The following PTPN9 variants were observed in gnomAD, a reference collection of about 807,000 sequenced individuals.
PTPN9 encodes the protein tyrosine-protein phosphatase non-receptor type 9.
A neutral mutation model predicts 69.8 loss-of-function variants in PTPN9; 26 were observed. That is an observed-to-expected ratio of 0.37 (90% CI 0.27 to 0.52). The LOEUF is 0.52. Ranked by LOEUF, PTPN9 falls within the 20% of genes least tolerant of loss-of-function variation. The pLI is 0.91. For missense variants in PTPN9, 549 were observed against 740.3 expected (o/e 0.74, Z 3.00); for synonymous variants, 274 against 272.5 (o/e 1.01, Z -0.05).
At chr15:75,493,817 G>C (rs2074724529) in intron 7 of PTPN9, among the ~76,000 whole-genome samples, 1 of 151,872 alleles carries the variant, frequency 6.6e-6, no homozygotes, top group Non-Finnish European at 1.5e-5. Flanking sequence ...AGAAAGTTAA[G>C]AGAATCATTC....
chr15:75,506,334 CTT>C (rs35383952), intron 6 of PTPN9, among the ~76,000 whole-genome samples: 1 of 152,048 alleles, frequency 6.6e-6, no homozygotes. Flanking sequence ...TGCTGGTACT[CTT>C]TTTTTGGCCA....
intron 7 of PTPN9, among the ~76,000 whole-genome samples, chr15:75,498,899 A>G (rs1244418051): frequency 2.0e-5 from 3 of 152,158 alleles, no homozygotes; most frequent in African/African-American, 7.2e-5. Context: ...AACTAAATAC[A>G]CAAAAATGAA....
chr15:75,567,584 AAC>A (rs1460488754), intron 1 of PTPN9, among the ~76,000 whole-genome samples: 1 of 152,164 alleles, frequency 6.6e-6, no homozygotes, highest in African/African-American at 2.4e-5. Flanking sequence ...TAATTCAATA[AAC>A]TTACCTGTGC....
At chr15:75,482,702 T>C (rs1165753439) in intron 8 of PTPN9, among the ~76,000 whole-genome samples, 1 of 151,708 alleles carries the variant, frequency 6.6e-6, no homozygotes, top group East Asian at 1.9e-4. Flanking sequence ...GTTTATCTGC[T>C]GACCTTCCCT....
intron 7 of PTPN9, among the ~76,000 whole-genome samples, chr15:75,490,641 T>C (rs1216350134): frequency 6.6e-6 from 1 of 152,018 alleles, no homozygotes; most frequent in Non-Finnish European, 1.5e-5. Context: ...TCTTTTTTTT[T>C]TGAGACGGAG....
chr15:75,469,062 G>T (rs1177833591), intron 12 of PTPN9, 79 bp from the exon 13 acceptor site: 1 of 1,306,984 alleles, frequency 7.7e-7, no homozygotes, highest in Non-Finnish European at 1.1e-6. Context: ...AGGCAGAACT[G>T]AATGAATGAC....
At chr15:75,545,655 T>C (rs1363945362) in intron 1 of PTPN9, among the ~76,000 whole-genome samples, 2 of 152,166 alleles carry the variant, frequency 1.3e-5, no homozygotes, top group East Asian at 3.8e-4. Flanking sequence ...AAAATAAATT[T>C]ATGGCCAGGC....
At chr15:75,539,315 AT>A (rs11324064) in intron 1 of PTPN9, among the ~76,000 whole-genome samples, 61,133 of 144,222 alleles carry the variant, frequency 0.42, 15,908 homozygotes, top group African/African-American at 0.75. Flanking sequence ...TATTTAGAAG[AT>A]TTTTTTTTTT....
At position 75,467,171 on chromosome 15, in the gene PTPN9, G is replaced by GT. The variant is rs1217099930; in HGVS notation, c.*1597dup. On this transcript the variant is annotated 3_prime_UTR_variant, in exon 13 of 13. Transcript: ENST00000618819. The stretch of plus-strand genomic sequence containing the variant: ...TATGTAAATACAAAACTGTATCACT[G>GT]TAAGATATTGAATATGAACATTACA... 14 of 152,686 alleles carry GT rather than the reference G, an allele frequency of 9.2e-5. No homozygotes were observed. The highest frequency in any genetic ancestry group is 9.2e-4 in the Admixed American group (14 of 15,296). 9.5% of individuals were successfully genotyped at this position (152,686 alleles called of 1,614,324 possible).
At position 75,493,874 on chromosome 15, in the gene PTPN9, A is replaced by T. The variant is rs145625434; in HGVS notation, c.969-3573T>A. Among the ~76,000 whole-genome samples, 205 of 152,286 alleles carry T rather than the reference A, an allele frequency of 1.3e-3. 13 individuals carry two copies. In the East Asian group the frequency reaches 0.026, roughly 19 times the overall value. ...ATGCCCTGGCCACTTGTTTTTGTAA[A>T]TGAAGTTTTACTGGAACACAGTCAA... On this transcript the variant is annotated intron_variant, in intron 7 of 12. Coordinates refer to ENST00000618819, the MANE Select transcript of PTPN9 (RefSeq NM_002833.4).
intron 1 of PTPN9, among the ~76,000 whole-genome samples, chr15:75,559,556 CA>C (rs1846706603): frequency 6.6e-6 from 1 of 152,112 alleles, no homozygotes; most frequent in African/African-American, 2.4e-5. Flanking sequence ...CTTTGTTGAA[CA>C]GATGCTTGAG....
chr15:75,508,514 T>G (rs1314156742), intron 6 of PTPN9, among the ~76,000 whole-genome samples: 2 of 152,220 alleles, frequency 1.3e-5, no homozygotes, highest in African/African-American at 4.8e-5. Context: ...ATGTTTCCAG[T>G]TGAACAAATT....
chr15:75,511,223 C>A (rs2074844080), intron 5 of PTPN9, among the ~76,000 whole-genome samples: 1 of 151,998 alleles, frequency 6.6e-6, no homozygotes, highest in Non-Finnish European at 1.5e-5. Context: ...ATTTGAGGAG[C>A]TATTTTCTTT....
At chr15:75,572,862 T>C (rs536163076) in intron 1 of PTPN9, among the ~76,000 whole-genome samples, 1 of 152,328 alleles carries the variant, frequency 6.6e-6, no homozygotes, top group Non-Finnish European at 1.5e-5. Flanking sequence ...GAACAAATTT[T>C]TTTCCTATAG....
At chr15:75,477,419 A>AC (rs1044409432) in intron 9 of PTPN9, among the ~76,000 whole-genome samples, 1 of 151,982 alleles carries the variant, frequency 6.6e-6, no homozygotes, top group Non-Finnish European at 1.5e-5. Flanking sequence ...ACATGGTGAA[A>AC]CCCTGTCTCT....
chr15:75,562,791 CAAAAAAAA>C (rs60164759), intron 1 of PTPN9, among the ~76,000 whole-genome samples: 198 of 80,062 alleles, frequency 2.5e-3, no homozygotes, highest in African/African-American at 6.4e-3. Context: ...AGACTCGTTT[CAAAAAAAA>C]AAAAAAAAAA....
At chr15:75,547,288 C>A (rs1274195453) in intron 1 of PTPN9, among the ~76,000 whole-genome samples, 1 of 105,932 alleles carries the variant, frequency 9.4e-6, no homozygotes, top group East Asian at 3.1e-4. Flanking sequence ...GAGCAAGACT[C>A]TGTCTCAAAA....
intron 5 of PTPN9, among the ~76,000 whole-genome samples, chr15:75,516,466 G>C (rs1277147166): frequency 6.6e-6 from 1 of 150,766 alleles, no homozygotes; most frequent in Non-Finnish European, 1.5e-5. Context: ...ACCAGGCCCG[G>C]CTAATTTTTT....
At chr15:75,493,330 A>C (rs2074721967) in intron 7 of PTPN9, among the ~76,000 whole-genome samples, 1 of 152,172 alleles carries the variant, frequency 6.6e-6, no homozygotes, top group African/African-American at 2.4e-5. Context: ...AAGAGAGTGC[A>C]ATGAAAAAGG....
Sources: gnomAD v4.1 joint callset for allele counts (sites outside exome capture counted in the v4.1 genomes callset) on GRCh38, gnomAD v4.1.1 for gene constraint, MANE v1.5 for transcripts, NCBI Gene and HGNC (gene_info 2026-07-23, HGNC 2026-07-21) for gene names.